ATP8B1: variants seen among roughly 807,000 people sequenced by gnomAD.
The protein encoded by ATP8B1 is phospholipid-transporting ATPase IC.
ATP8B1 carries 80 observed loss-of-function variants against 149.9 expected under a neutral mutation model. The ratio of observed to expected loss-of-function variants is 0.53; its 90% CI spans 0.45 to 0.64. ATP8B1 has a LOEUF of 0.64. Among genes scored for constraint, ATP8B1 ranks in the 30% least tolerant of loss-of-function variants. The probability of loss-of-function intolerance (pLI) is 0.00; values close to 1 mark genes in which losing one functional copy is unlikely to be tolerated. For missense variants in ATP8B1, 1,247 were observed against 1,552.6 expected, an observed-to-expected ratio of 0.80 and a Z score of 3.31; for synonymous variants, 536 against 562.8, an observed-to-expected ratio of 0.95 and a Z score of 0.67.
chr18:57,788,139 G>T (rs1200941638), intron 1 of ATP8B1, among the ~76,000 whole-genome samples: 1 of 152,208 alleles, frequency 6.6e-6, no homozygotes, highest in Non-Finnish European at 1.5e-5. Flanking sequence ...AGCTTGAAAT[G>T]ATTTACAACC....
intron 6 of ATP8B1, among the ~76,000 whole-genome samples, chr18:57,698,542 C>T (rs1013460973): frequency 2.0e-5 from 3 of 152,076 alleles, no homozygotes; most frequent in African/African-American, 4.8e-5. Flanking sequence ...ACCATATTGG[C>T]CAGGCTGGTC....
At chr18:57,751,298 G>A (rs1159783346) in intron 1 of ATP8B1, among the ~76,000 whole-genome samples, 1 of 151,870 alleles carries the variant, frequency 6.6e-6, no homozygotes, top group African/African-American at 2.4e-5. Context: ...AGGCTGGGCA[G>A]TATGGTGAAA....
At chr18:57,797,640 A>C (rs2080527253) in intron 1 of ATP8B1, among the ~76,000 whole-genome samples, 1 of 151,400 alleles carries the variant, frequency 6.6e-6, no homozygotes, top group Non-Finnish European at 1.5e-5. Flanking sequence ...CCATCCCTCC[A>C]TGCAAAGAGG....
intron 1 of ATP8B1, among the ~76,000 whole-genome samples, chr18:57,759,733 G>T (rs980767261): frequency 6.6e-6 from 1 of 151,800 alleles, no homozygotes; most frequent in Non-Finnish European, 1.5e-5. Flanking sequence ...GCAGGAGAAC[G>T]GCATGAACCC....
chr18:57,776,843 A>G (rs1263599140), intron 1 of ATP8B1, among the ~76,000 whole-genome samples: 2 of 152,174 alleles, frequency 1.3e-5, no homozygotes, highest in South Asian at 2.1e-4. Flanking sequence ...TCAAAGGTCA[A>G]CAAGATACTC....
chr18:57,781,297 G>A (rs1007446406), intron 1 of ATP8B1, among the ~76,000 whole-genome samples: 6 of 152,104 alleles, frequency 3.9e-5, no homozygotes, highest in African/African-American at 9.7e-5. Flanking sequence ...CAGTAGGTGC[G>A]TTATTTTAAT....
At chr18:57,673,299 T>C (rs1175157707) in intron 16 of ATP8B1, among the ~76,000 whole-genome samples, 2 of 151,890 alleles carry the variant, frequency 1.3e-5, no homozygotes, top group Non-Finnish European at 2.9e-5. Context: ...GATCTTAGAT[T>C]GGATCCTGGA....
chr18:57,699,963 C>A (rs1040117065), intron 6 of ATP8B1, among the ~76,000 whole-genome samples: 3 of 152,164 alleles, frequency 2.0e-5, no homozygotes, highest in Non-Finnish European at 2.9e-5. Context: ...ATGGCCTGAG[C>A]AGCCCCTGCA....
At chr18:57,657,681 T>TGCTCTTTCCTGCCAAACC (rs2122610183) in intron 22 of ATP8B1, among the ~76,000 whole-genome samples, 1 of 152,354 alleles carries the variant, frequency 6.6e-6, no homozygotes, top group Admixed American at 6.5e-5. Flanking sequence ...GTTGCCAAAC[T>TGCTCTTTCCTGCCAAACC]TGCTCTTTCC....
chr18:57,732,372 T>G (rs909135160), intron 1 of ATP8B1, among the ~76,000 whole-genome samples: 1 of 147,372 alleles, frequency 6.8e-6, no homozygotes, highest in Non-Finnish European at 1.5e-5. Context: ...TATGTATATA[T>G]ATATTCAAGG....
At chr18:57,750,846 C>T (rs545746824) in intron 1 of ATP8B1, among the ~76,000 whole-genome samples, 20 of 152,288 alleles carry the variant, frequency 1.3e-4, no homozygotes, top group Middle Eastern at 6.8e-3. Flanking sequence ...TGGCTGGGCA[C>T]GGTGGCTCAT....
At chr18:57,790,716 A>G (rs1256823334) in intron 1 of ATP8B1, among the ~76,000 whole-genome samples, 1 of 152,070 alleles carries the variant, frequency 6.6e-6, no homozygotes, top group Non-Finnish European at 1.5e-5. Flanking sequence ...CATTTTAACT[A>G]CTTTTATTTT....
chr18:57,649,840 CAT>C (rs1321981223), intron 27 of ATP8B1, among the ~76,000 whole-genome samples: 1 of 152,080 alleles, frequency 6.6e-6, no homozygotes, highest in Non-Finnish European at 1.5e-5. Context: ...TTCCAGCATC[CAT>C]ATGAAGCTAA....
chr18:57,657,590 TA>T (rs1372508140), intron 22 of ATP8B1, among the ~76,000 whole-genome samples: 1 of 152,200 alleles, frequency 6.6e-6, no homozygotes, highest in Non-Finnish European at 1.5e-5. Flanking sequence ...GTAACACTTC[TA>T]AAAAAACAGA....
At chr18:57,689,243 A>C (rs1912409419) in intron 12 of ATP8B1, among the ~76,000 whole-genome samples, 1 of 151,958 alleles carries the variant, frequency 6.6e-6, no homozygotes, top group African/African-American at 2.4e-5. Flanking sequence ...GGCCATGTTC[A>C]CCTTTGCCCT....
intron 1 of ATP8B1, among the ~76,000 whole-genome samples, chr18:57,767,189 AG>A (rs1273161316): frequency 6.6e-6 from 1 of 152,230 alleles, no homozygotes; most frequent in Non-Finnish European, 1.5e-5. Context: ...CTAAGAACTA[AG>A]GTGAGCTCAT....
intron 1 of ATP8B1, among the ~76,000 whole-genome samples, chr18:57,793,584 C>T (rs1322280293): frequency 6.6e-6 from 1 of 152,154 alleles, no homozygotes; most frequent in African/African-American, 2.4e-5. Flanking sequence ...CCCTTCCTCT[C>T]TGCCCTTACC....
chr18:57,662,414 A>G, intron 21 of ATP8B1, 69 bp downstream of exon 21: 1 of 1,592,706 alleles, frequency 6.3e-7, no homozygotes, highest in Non-Finnish European at 8.6e-7. Context: ...ATGTGAAAGC[A>G]TCTAAAAGTG....
chr18:57,759,682 C>T, intron 1 of ATP8B1, among the ~76,000 whole-genome samples: 1 of 151,774 alleles, frequency 6.6e-6, no homozygotes, highest in South Asian at 2.1e-4. Flanking sequence ...GGCTTGGTGG[C>T]GGGCGCCTGT....
Sources: gnomAD v4.1 joint callset for allele counts (sites outside exome capture counted in the v4.1 genomes callset) on GRCh38, gnomAD v4.1.1 for gene constraint, MANE v1.5 for transcripts, NCBI Gene and HGNC (gene_info 2026-07-23, HGNC 2026-07-21) for gene names.